The following ZNF362 variants were observed in gnomAD, a reference collection of about 807,000 sequenced individuals.
ZNF362 encodes the protein zinc finger protein 362.
Under a neutral mutation model 42.9 loss-of-function variants are expected in ZNF362, and 11 were observed. The observed-to-expected ratio is 0.26, with a 90% CI of 0.16 to 0.42. ZNF362 has a LOEUF of 0.42. Ranked by LOEUF, ZNF362 falls within the 20% of genes least tolerant of loss-of-function variation. The pLI is 1.00. For missense variants in ZNF362, 362 were observed against 576.2 expected (o/e 0.63, Z 3.81); for synonymous variants, 255 against 257.3 (o/e 0.99, Z 0.09).
At chr1:33,250,852 G>GGAGGAAGAAGAAGAA in the ZNF362 span, among the ~76,000 whole-genome samples, 2 of 137,484 alleles carry the variant, frequency 1.5e-5, no homozygotes, top group East Asian at 4.2e-4. Flanking sequence ...GAAGAAAGAA[G>GGAGGAAGAAGAAGAA]GAAGAAGAAG....
chr1:33,183,575 T>A, the ZNF362 span, among the ~76,000 whole-genome samples: 1 of 151,258 alleles, frequency 6.6e-6, no homozygotes, highest in South Asian at 2.1e-4. Context: ...ATGGAGTGAG[T>A]CTTGTTTGGT....
At chr1:33,253,766 C>T (rs141797200), upstream of ZNF362, among the ~76,000 whole-genome samples, 1,494 of 152,172 alleles carry the variant, frequency 9.8e-3, 13 homozygotes, top group Non-Finnish European at 0.016. Flanking sequence ...CTTTTTTGAG[C>T]GCTTAGAATG....
upstream of ZNF362, among the ~76,000 whole-genome samples, chr1:33,255,696 C>T (rs927380235): frequency 2.6e-5 from 4 of 152,156 alleles, no homozygotes; most frequent in Admixed American, 6.5e-5. Flanking sequence ...CCCCATCCGT[C>T]GGGGATCCGG....
the ZNF362 span, among the ~76,000 whole-genome samples, chr1:33,248,933 T>C: frequency 2.6e-5 from 4 of 152,236 alleles, no homozygotes; most frequent in African/African-American, 9.6e-5. Flanking sequence ...TATTTCAACC[T>C]GTTCATTTGC....
Position 33,281,654 on chromosome 1 carries a change from G to C in ZNF362, c.751G>C (p.Glu251Gln). The change falls in exon 6 of 9, where the codon GAG (glutamate) becomes CAG (glutamine). Residue 251 changes from glutamate to glutamine, a missense_variant. By Grantham distance (29) the Glu-to-Gln change is conservative. Transcript: ENST00000539719. This position sits in a 1 kb window ranked among gnomAD's most constrained non-coding sequence, Gnocchi z 4.8. ...GCAGATCCACTCCAAGTCGCACACA[G>C]AGGCCAAGCCCCACAAGTGCCCGCA... ...EMQIHSKSHT[E>Q]AKPHKCPHCS... 1 of 1,614,230 alleles carries C rather than the reference G, an allele frequency of 6.2e-7. No homozygotes were observed. The highest frequency in any genetic ancestry group is 8.5e-7 in the Non-Finnish European group (1 of 1,180,048).
chr1:33,200,788 T>C, the ZNF362 span, among the ~76,000 whole-genome samples: 19 of 152,190 alleles, frequency 1.2e-4, no homozygotes, highest in African/African-American at 4.6e-4. Context: ...TGTGTACCCT[T>C]TCCAAAATCA....
At chr1:33,159,771 C>T in the ZNF362 span, 1 of 1,613,648 alleles carries the variant, frequency 6.2e-7, no homozygotes. The surrounding 1 kb of genome is among the most constrained non-coding windows in gnomAD (Gnocchi z 4.2). Flanking sequence ...GGGCTCCCTC[C>T]TGGACCTTGC....
intron 6 of ZNF362, among the ~76,000 whole-genome samples, chr1:33,293,558 G>T (rs970124562): frequency 6.6e-6 from 1 of 152,180 alleles, no homozygotes; most frequent in Non-Finnish European, 1.5e-5. Flanking sequence ...GTCAGTGAGA[G>T]GGGCTGGGGC....
chr1:33,254,320 C>A (rs1477870162), upstream of ZNF362, among the ~76,000 whole-genome samples: 1 of 152,146 alleles, frequency 6.6e-6, no homozygotes, highest in Admixed American at 6.5e-5. Flanking sequence ...GATGGGGTTT[C>A]ACCACGTTGG....
the ZNF362 span, among the ~76,000 whole-genome samples, chr1:33,230,858 G>A: frequency 2.0e-5 from 3 of 152,306 alleles, no homozygotes; most frequent in African/African-American, 7.2e-5. Context: ...AAATATAGAT[G>A]TAATCGAAGC....
the ZNF362 span, among the ~76,000 whole-genome samples, chr1:33,246,623 C>A: frequency 6.6e-6 from 1 of 152,222 alleles, no homozygotes; most frequent in Non-Finnish European, 1.5e-5. Context: ...CCAAGGGAAG[C>A]CTCTGCTATT....
At chr1:33,172,399 G>C in the ZNF362 span, among the ~76,000 whole-genome samples, 3 of 152,112 alleles carry the variant, frequency 2.0e-5, no homozygotes, top group African/African-American at 7.2e-5. Flanking sequence ...AGTCGGGGTG[G>C]TTGGGGATGG....
At chr1:33,182,309 C>T in the ZNF362 span, among the ~76,000 whole-genome samples, 1 of 152,332 alleles carries the variant, frequency 6.6e-6, no homozygotes, top group South Asian at 2.1e-4. Flanking sequence ...AACAAATAAA[C>T]AAGGAGCATC....
At chr1:33,181,178 G>T in the ZNF362 span, 13 of 1,595,506 alleles carry the variant, frequency 8.1e-6, no homozygotes, top group African/African-American at 1.6e-4. This position sits in a 1 kb window ranked among gnomAD's most constrained non-coding sequence, Gnocchi z 6.5. Context: ...CGCGGCGCGC[G>T]TTGAGGATGG....
the ZNF362 span, among the ~76,000 whole-genome samples, chr1:33,225,340 G>T: frequency 6.6e-6 from 1 of 151,994 alleles, no homozygotes; most frequent in East Asian, 1.9e-4. Context: ...ATTACCTTCT[G>T]ACATATTATA....
the ZNF362 span, among the ~76,000 whole-genome samples, chr1:33,188,888 A>T: frequency 1.3e-5 from 2 of 152,194 alleles, no homozygotes; most frequent in South Asian, 4.1e-4. Context: ...ATGAAATGAG[A>T]CAGAGACCCA....
the ZNF362 span, among the ~76,000 whole-genome samples, chr1:33,190,852 C>T: frequency 6.6e-6 from 1 of 152,166 alleles, no homozygotes; most frequent in African/African-American, 2.4e-5. Context: ...GGACTTGCTT[C>T]TTCCTATTGA....
At chr1:33,131,527 T>G in the ZNF362 span, among the ~76,000 whole-genome samples, 2 of 152,338 alleles carry the variant, frequency 1.3e-5, no homozygotes, top group Admixed American at 1.3e-4. Context: ...AAAGATGTAG[T>G]TCAAAAGAAA....
At chr1:33,257,477 C>T (rs1341122158) in intron 1 of ZNF362, among the ~76,000 whole-genome samples, 6 of 149,162 alleles carry the variant, frequency 4.0e-5, no homozygotes, top group East Asian at 2.0e-4. Context: ...GATCTCGAGG[C>T]CCATTTCTCC....
Sources: gnomAD v4.1 joint callset for allele counts (sites outside exome capture counted in the v4.1 genomes callset) on GRCh38, gnomAD v4.1.1 for gene constraint, Gnocchi (gnomAD v3.1) non-coding constraint, MANE v1.5 for transcripts, NCBI Gene and HGNC (gene_info 2026-07-23, HGNC 2026-07-21) for gene names.